The following TULP2 variants were observed in gnomAD, a reference collection of about 807,000 sequenced individuals.
TULP2 encodes the protein TUB like protein 2.
Under a neutral mutation model 60.3 loss-of-function variants are expected in TULP2, and 64 were observed. The ratio of observed to expected loss-of-function variants is 1.06; its 90% CI spans 0.87 to 1.31. TULP2 has a LOEUF of 1.31. Among genes scored for constraint, TULP2 ranks in the 50% most tolerant of loss-of-function variants. The pLI is 0.00. For synonymous variants in TULP2, 267 were observed against 265.4 expected (o/e 1.01, Z -0.06); for missense variants, 652 against 667.0 (o/e 0.98, Z 0.25).
In TULP2 at chr19:48,885,397, C is replaced by A. The variant is rs3826818; in HGVS notation, c.1061+51G>T. On this transcript the variant is annotated intron_variant, in intron 9 of 12. Coordinates refer to ENST00000221399, the MANE Select transcript of TULP2 (RefSeq NM_003323.3). The stretch of plus-strand genomic sequence containing the variant: ...CTGCTGGGAAATGGAGTCCCCCTGT[C>A]CCTAAGCTCCCTGCTACCTGCTCCT... 0.12 allele frequency: 184,157 copies of A among 1,495,742 alleles called. 14,092 individuals carry two copies. Among genetic ancestry groups the A allele is most frequent in the African/African-American group, 0.37 (26,656 of 72,270 alleles). 92.7% of individuals were successfully genotyped at this position (1,495,742 alleles called of 1,614,324 possible). A position where few individuals can be genotyped will look rare whatever the true frequency, so the allele number is the denominator to read the frequency against.
intron 7 of TULP2, among the ~76,000 whole-genome samples, chr19:48,889,112 GATTAC>G (rs2037209584): frequency 6.6e-6 from 1 of 151,804 alleles, no homozygotes; most frequent in East Asian, 1.9e-4. Flanking sequence ...GAGTAGTTGG[GATTAC>G]TGGCGTGCGC....
chr19:48,895,138 G>A lies in TULP2; in HGVS notation c.374C>T (p.Ser125Phe). The change falls in exon 6 of 13, where the codon TCC (serine) becomes TTC (phenylalanine). Residue 125 changes from serine to phenylalanine, a missense_variant. By Grantham distance (155) the Ser-to-Phe change is radical (BLOSUM62 -2). Coordinates refer to ENST00000221399, the MANE Select transcript of TULP2 (RefSeq NM_003323.3). ...GTCTGGGAGCCAGGATAAGAAAGGG[G>A]ACTGGAGACCGAGATTCCTGAACAC... ...EAVFRNLGLQSPFLSWLPDNS... is the reference protein window; with the variant it reads ...EAVFRNLGLQFPFLSWLPDNS... 7 of 1,613,852 alleles carry A rather than the reference G, an allele frequency of 4.3e-6. No individual in the cohort carries two copies. The highest frequency in any genetic ancestry group is 5.9e-6 in the Non-Finnish European group (7 of 1,179,944).
At chr19:48,892,783 G>A (rs1272405682) in intron 6 of TULP2, among the ~76,000 whole-genome samples, 1 of 151,706 alleles carries the variant, frequency 6.6e-6, no homozygotes, top group East Asian at 2.0e-4. Flanking sequence ...GAGCCACCGC[G>A]CCCAGCCAGC....
chr19:48,892,775 G>A (rs942593282), intron 6 of TULP2, among the ~76,000 whole-genome samples: 1 of 151,984 alleles, frequency 6.6e-6, no homozygotes, highest in South Asian at 2.1e-4. Flanking sequence ...ACAGGCGTGA[G>A]CCACCGCGCC....
At position 48,882,169 on chromosome 19, in the gene TULP2, C is replaced by A. The variant is rs756509142; in HGVS notation, c.1310G>T (p.Gly437Val). 2 of 1,614,072 alleles carry A rather than the reference C, an allele frequency of 1.2e-6. No homozygotes were observed. The highest frequency in any genetic ancestry group is 1.7e-5 in the Admixed American group (1 of 59,996). The change falls in exon 12 of 13, where the codon GGG (glycine) becomes GTG (valine). Residue 437 changes from glycine (G) to valine (V), a missense_variant. Gly to Val is a moderately radical substitution (Grantham distance 109). Transcript: ENST00000221399. ...CAACAAAAGCAACCCTTGTTTGTCC[C>A]CACGTTGGTAACGACTCAGTAGCGA... ...QESLLSRYQR[G>V]DKQGLLLLHN...
At position 48,887,973 on chromosome 19, in the gene TULP2, G is replaced by A. The variant is rs751694337; in HGVS notation, c.925C>T (p.Leu309=). 5.6e-6 allele frequency: 9 copies of A among 1,612,682 alleles called. No individual in the cohort carries two copies. In the South Asian group the frequency reaches 8.8e-5, roughly 16 times the overall value. The change falls in exon 8 of 13, where the codon CTG becomes TTG. Residue 309 remains leucine, a synonymous_variant. Coordinates refer to ENST00000221399, the MANE Select transcript of TULP2 (RefSeq NM_003323.3). ...KGLFPLYYLY[L]ETSDSLQRFL... is the part of the protein sequence containing the mutation. Reference sequence around the variant, plus strand: ...ACCTGCAGGCTGTCAGAGGTCTCCAGGTAGAGGTAGTAGAGGGGGAACAAG... The same window carrying A: ...ACCTGCAGGCTGTCAGAGGTCTCCAAGTAGAGGTAGTAGAGGGGGAACAAG...
chr19:48,891,237 T>C (rs2037229927), intron 6 of TULP2, among the ~76,000 whole-genome samples: 1 of 147,906 alleles, frequency 6.8e-6, no homozygotes, highest in Non-Finnish European at 1.5e-5. Flanking sequence ...GGCAGGAGAA[T>C]GGTGTGAACC....
chr19:48,894,675 A>G (rs998944122), intron 6 of TULP2, among the ~76,000 whole-genome samples: 3 of 152,150 alleles, frequency 2.0e-5, no homozygotes, highest in Non-Finnish European at 2.9e-5. Context: ...CATTGCATTT[A>G]TACTGTATTA....
intron 12 of TULP2, among the ~76,000 whole-genome samples, chr19:48,881,412 C>T (rs1289811684): frequency 2.5e-4 from 33 of 134,496 alleles, no homozygotes; most frequent in Admixed American, 7.8e-4. Context: ...GATGGAGTCT[C>T]GCTCTGTTGC....
At position 48,889,719 on chromosome 19, in the gene TULP2, C is replaced by T. The variant is rs537249933; in HGVS notation, c.515-88G>A. On this transcript the variant is annotated intron_variant, in intron 6 of 12. Coordinates refer to ENST00000221399, the MANE Select transcript of TULP2 (RefSeq NM_003323.3). Reference sequence around the variant, plus strand: ...ATAGGAGACTCCATTTTGTTCTGTACTAAGACAAATTCTTCTGCCTTGGGA... The same window carrying T: ...ATAGGAGACTCCATTTTGTTCTGTATTAAGACAAATTCTTCTGCCTTGGGA... 65 of 1,200,382 alleles carry T rather than the reference C, an allele frequency of 5.4e-5. No homozygotes were observed. In the East Asian group the frequency reaches 1.3e-3, roughly 24 times the overall value. 74.4% of individuals were successfully genotyped at this position (1,200,382 alleles called of 1,614,324 possible).
In TULP2 at chr19:48,887,311, C is replaced by CTTTTTTTTTTTTTTTTT. The variant is rs58640342; in HGVS notation, c.948+622_948+638dup. Among the ~76,000 whole-genome samples the CTTTTTTTTTTTTTTTTT allele has an allele frequency of 1.1e-3, 44 of 39,376 alleles. 12 individuals are homozygous for CTTTTTTTTTTTTTTTTT. The highest frequency in any genetic ancestry group is 2.7e-3 in the South Asian group (2 of 736). The allele number at this position is 39,376 out of a possible 152,430, so 25.8% of individuals were successfully genotyped here. On this transcript the variant is annotated intron_variant, in intron 8 of 12. Transcript: ENST00000221399. The stretch of plus-strand genomic sequence containing the variant: ...CAAGTGTGAGCCACCGCGCCCAGCC[C>CTTTTTTTTTTTTTTTTT]TTTTTTTTTTTTTTTTTTTTTTTTT...
intron 8 of TULP2, among the ~76,000 whole-genome samples, chr19:48,886,640 G>A (rs2037181792): frequency 6.6e-6 from 1 of 152,106 alleles, no homozygotes. Context: ...ATTGAGAGAA[G>A]TGGGGCTTGG....
chr19:48,882,232 T>C, intron 11 of TULP2, 29 bp from the exon 12 acceptor site: 1 of 1,612,746 alleles, frequency 6.2e-7, no homozygotes, highest in Non-Finnish European at 8.5e-7. Flanking sequence ...GCTGTGGTTT[T>C]CTCAGAGGCT....
chr19:48,888,869 G>GC (rs1196230863), intron 7 of TULP2, among the ~76,000 whole-genome samples: 19 of 151,688 alleles, frequency 1.3e-4, no homozygotes, highest in African/African-American at 4.6e-4. Context: ...TGATCTGCCT[G>GC]CCTCGGCCTT....
At chr19:48,886,549 CA>C (rs1205922992) in intron 8 of TULP2, among the ~76,000 whole-genome samples, 1 of 151,720 alleles carries the variant, frequency 6.6e-6, no homozygotes, top group Non-Finnish European at 1.5e-5. Context: ...CTGAGTAGGG[CA>C]AAAAACCTCT....
At chr19:48,881,596 G>T (rs543256294) in intron 12 of TULP2, among the ~76,000 whole-genome samples, 4 of 151,936 alleles carry the variant, frequency 2.6e-5, no homozygotes, top group African/African-American at 7.2e-5. Context: ...TGTTAGTCAG[G>T]ATGGTCTCAA....
chr19:48,897,810 C>T lies in TULP2; in HGVS notation c.32+27G>A, dbSNP rs1488153722. 2.5e-6 allele frequency: 4 copies of T among 1,613,506 alleles called. No individual in the cohort carries two copies. The highest frequency in any genetic ancestry group is 3.3e-5 in the Admixed American group (2 of 59,924). The stretch of plus-strand genomic sequence containing the variant: ...GGGTCCCCAGCCCTTTCCACCTCCA[C>T]CCCTACCCATCTGTTTCCCTACTCA... On this transcript the variant is annotated intron_variant, in intron 2 of 12. Transcript: ENST00000221399. This position sits in a 1 kb window ranked among gnomAD's most constrained non-coding sequence, Gnocchi z 4.0.
chr19:48,885,353 G>A (rs2037169773), intron 9 of TULP2, 95 bp downstream of exon 9: 1 of 989,724 alleles, frequency 1.0e-6, no homozygotes, highest in African/African-American at 1.6e-5. Flanking sequence ...CTGAGCAGGT[G>A]GAAGGTATGC....
In TULP2 at chr19:48,895,127, AT is replaced by A; in HGVS notation, c.384del (p.Leu128PhefsTer115). On this transcript the variant is annotated frameshift_variant, in exon 6 of 13. Transcript: ENST00000221399. LOFTEE classifies it high-confidence loss of function. ...GCATCGGAATTGTCTGGGAGCCAGG[AT>A]AAGAAAGGGGACTGGAGACCGAGAT... ...FRNLGLQSPF[L>X]SWLPDNSDAE... The A allele has an allele frequency of 6.2e-7, 1 of 1,614,092 alleles. No individual in the cohort carries two copies. The highest frequency in any genetic ancestry group is 1.3e-5 in the African/African-American group (1 of 75,032).
Sources: gnomAD v4.1 joint callset for allele counts (sites outside exome capture counted in the v4.1 genomes callset) on GRCh38, gnomAD v4.1.1 for gene constraint, Gnocchi (gnomAD v3.1) non-coding constraint, MANE v1.5 for transcripts, NCBI Gene and HGNC (gene_info 2026-07-23, HGNC 2026-07-21) for gene names.